Variants in PICALM observed in about 807,000 individuals in gnomAD.
PICALM encodes the protein phosphatidylinositol-binding clathrin assembly protein.
A neutral mutation model predicts 80.5 loss-of-function variants in PICALM; 40 were observed. That is an observed-to-expected ratio of 0.50 (90% confidence interval 0.39 to 0.65). The LOEUF is 0.65. PICALM is among the 30% of genes least tolerant of loss of function. The pLI is 0.00. For synonymous variants in PICALM, 288 were observed against 260.3 expected, an observed-to-expected ratio of 1.11 and a Z score of -1.02; for missense variants, 676 against 778.9, an observed-to-expected ratio of 0.87 and a Z score of 1.57.
chr11:85,961,855 C>CTACCTATT (rs1554999133), intron 19 of PICALM, among the ~76,000 whole-genome samples: 1 of 149,366 alleles, frequency 6.7e-6, no homozygotes, highest in Admixed American at 6.7e-5. Flanking sequence ...TTCTTTCTAC[C>CTACCTATT]TATTTATTTA....
Position 85,985,118 on chromosome 11 carries a change from T to A in PICALM, c.1409-1145A>T, listed in dbSNP as rs147493691. ...ACACCATTAGGGAGAAGTTAAACTTTTGGTGTCCTAAATTTAGGATCCCTT... is the reference window on the plus strand; with the variant it reads ...ACACCATTAGGGAGAAGTTAAACTTATGGTGTCCTAAATTTAGGATCCCTT... On this transcript the variant is annotated intron_variant, in intron 13 of 19. Coordinates refer to ENST00000393346, the MANE Select transcript of PICALM (RefSeq NM_007166.4). Among the ~76,000 whole-genome samples, 12 of 152,324 alleles carry A rather than the reference T, an allele frequency of 7.9e-5. No homozygotes were observed. In the East Asian group the frequency reaches 1.2e-3, roughly 15 times the overall value.
intron 1 of PICALM, among the ~76,000 whole-genome samples, chr11:86,044,887 C>A (rs1485094959): frequency 6.6e-6 from 1 of 152,200 alleles, no homozygotes; most frequent in Non-Finnish European, 1.5e-5. Context: ...CGAAACCATC[C>A]CTCCACACAC....
Position 86,010,891 on chromosome 11 carries a change from C to A in PICALM, c.765+139G>T. On this transcript the variant is annotated intron_variant, in intron 7 of 19. Coordinates refer to ENST00000393346, the MANE Select transcript of PICALM (RefSeq NM_007166.4). ...ACTTTATCATATTCATATCTTGCCA[C>A]AGAATTCAATACAGCATAATAATGA... 5.1e-6 allele frequency: 3 copies of A among 586,904 alleles called. No homozygotes were observed. In the South Asian group the frequency reaches 6.5e-5, roughly 13 times the overall value. 36.4% of individuals were successfully genotyped at this position (586,904 alleles called of 1,614,324 possible).
At chr11:85,994,858 C>T (rs1281659554) in intron 12 of PICALM, among the ~76,000 whole-genome samples, 6 of 152,128 alleles carry the variant, frequency 3.9e-5, no homozygotes, top group Non-Finnish European at 8.8e-5. Context: ...TGTGTACCAC[C>T]ACACCTGGCT....
chr11:86,009,673 C>A (rs1337242715), intron 7 of PICALM, among the ~76,000 whole-genome samples: 1 of 152,026 alleles, frequency 6.6e-6, no homozygotes, highest in South Asian at 2.1e-4. Flanking sequence ...GCCTAGGGGA[C>A]AAGAGCAAGA....
At chr11:86,035,947 C>CAAAAAAAAAAA (rs543040504) in intron 1 of PICALM, among the ~76,000 whole-genome samples, 9 of 66,400 alleles carry the variant, frequency 1.4e-4, no homozygotes, top group African/African-American at 2.4e-4. Context: ...GACTCTGCCT[C>CAAAAAAAAAAA]AAAAAAAAAA....
intron 7 of PICALM, among the ~76,000 whole-genome samples, chr11:86,010,816 T>A (rs1032791420): frequency 6.6e-6 from 1 of 152,256 alleles, no homozygotes; most frequent in Non-Finnish European, 1.5e-5. Flanking sequence ...AACAGGTAAC[T>A]TTTCAATACT....
rs34312370 is a variant in PICALM, at chr11:86,020,424, G to GAAA, written c.452+1940_452+1942dup. On this transcript the variant is annotated intron_variant, in intron 4 of 19. Coordinates refer to ENST00000393346, the MANE Select transcript of PICALM (RefSeq NM_007166.4). ...CCCAGAACAGCTAAAACAATCTTGG[G>GAAA]AAAAAAAAAAAAAAAAAAAGAATAG... is the stretch of plus-strand genomic sequence containing the variant. Among the ~76,000 whole-genome samples the GAAA allele has an allele frequency of 4.1e-3, 388 of 94,108 alleles. 7 individuals carry two copies. The highest frequency in any genetic ancestry group is 9.8e-3 in the African/African-American group (253 of 25,878). The allele number at this position is 94,108 out of a possible 152,430, so 61.7% of individuals were successfully genotyped here. A position where few individuals can be genotyped will look rare whatever the true frequency, so the allele number is the denominator to read the frequency against.
Position 85,959,076 on chromosome 11 carries a change from G to C in PICALM, c.1945-16C>G, listed in dbSNP as rs1281201205. On this transcript the variant is annotated splice_polypyrimidine_tract_variant and intron_variant, in intron 19 of 19. Transcript: ENST00000393346. ...TAAACTGTATCTGGAAAAAAAAAGTGGGTATGTTAATTCATTGTATTGTAG... is the reference window on the plus strand; with the variant it reads ...TAAACTGTATCTGGAAAAAAAAAGTCGGTATGTTAATTCATTGTATTGTAG... The C allele has an allele frequency of 1.3e-6, 2 of 1,554,258 alleles. No individual in the cohort carries two copies. The highest frequency in any genetic ancestry group is 1.8e-6 in the Non-Finnish European group (2 of 1,131,752).
intron 12 of PICALM, among the ~76,000 whole-genome samples, chr11:85,993,391 T>A (rs1265976979): frequency 6.6e-6 from 1 of 151,864 alleles, no homozygotes; most frequent in Non-Finnish European, 1.5e-5. Context: ...CAGTCTAAAA[T>A]TTTTAAATAT....
intron 1 of PICALM, among the ~76,000 whole-genome samples, chr11:86,057,523 G>GT (rs1229237966): frequency 6.6e-6 from 1 of 152,110 alleles, no homozygotes; most frequent in Non-Finnish European, 1.5e-5. Context: ...GGGCAACAGA[G>GT]TAAGACTCCA....
chr11:85,985,344 C>T (rs565415644), intron 13 of PICALM, among the ~76,000 whole-genome samples: 1 of 152,108 alleles, frequency 6.6e-6, no homozygotes. Flanking sequence ...AAGAACCATA[C>T]AAGCTGATCC....
At chr11:86,040,048 T>G (rs1388008942) in intron 1 of PICALM, among the ~76,000 whole-genome samples, 1 of 150,586 alleles carries the variant, frequency 6.6e-6, no homozygotes, top group Non-Finnish European at 1.5e-5. Flanking sequence ...TAAAGTTATG[T>G]TGCAGATGCA....
chr11:86,027,696 T>A (rs945258207), intron 2 of PICALM, among the ~76,000 whole-genome samples: 2 of 151,962 alleles, frequency 1.3e-5, no homozygotes, highest in East Asian at 1.9e-4. Context: ...TTTAAAAAAA[T>A]TTTTTGTAGA....
intron 1 of PICALM, among the ~76,000 whole-genome samples, chr11:86,049,920 C>T (rs1311819520): frequency 6.6e-6 from 1 of 151,798 alleles, no homozygotes; most frequent in African/African-American, 2.4e-5. Flanking sequence ...CTACATCAGG[C>T]CAGGTGAGGT....
At chr11:86,068,513 G>C (rs371539807) in intron 1 of PICALM, 138 bp downstream of exon 1, 7 of 744,526 alleles carry the variant, frequency 9.4e-6, no homozygotes, top group African/African-American at 3.6e-5. Context: ...ACAGCTCAAC[G>C]GGCACAGGAC....
At chr11:86,064,397 C>T (rs1343769804) in intron 1 of PICALM, among the ~76,000 whole-genome samples, 5 of 152,300 alleles carry the variant, frequency 3.3e-5, no homozygotes, top group Middle Eastern at 3.4e-3. Context: ...TGGTGACTCA[C>T]ACCTATAATC....
intron 1 of PICALM, among the ~76,000 whole-genome samples, chr11:86,044,659 G>A (rs1049134645): frequency 1.1e-4 from 16 of 152,184 alleles, no homozygotes; most frequent in African/African-American, 3.9e-4. Flanking sequence ...CCAGGCCGTG[G>A]ACCATTACTG....
chr11:86,035,479 ATTTG>A (rs767334189), intron 1 of PICALM, among the ~76,000 whole-genome samples: 16 of 152,220 alleles, frequency 1.1e-4, no homozygotes, highest in African/African-American at 1.9e-4. Context: ...CTAAACCAGT[ATTTG>A]TTTGTTTGTT....
Sources: gnomAD v4.1 joint callset for allele counts (sites outside exome capture counted in the v4.1 genomes callset) on GRCh38, gnomAD v4.1.1 for gene constraint, MANE v1.5 for transcripts, NCBI Gene and HGNC (gene_info 2026-07-23, HGNC 2026-07-21) for gene names.